ABCA12: variants seen among roughly 807,000 people sequenced by gnomAD.
ABCA12 encodes glucosylceramide transporter ABCA12.
In ABCA12, 156 loss-of-function variants were observed where a neutral mutation model predicts 293.5. That is an observed-to-expected ratio of 0.53 (90% CI 0.47 to 0.61). The LOEUF (loss-of-function observed/expected upper bound fraction) is 0.61. ABCA12 is among the 20% of genes least tolerant of loss of function. ABCA12 has a pLI of 0.00. For missense variants in ABCA12, 2,797 were observed against 3,090.2 expected, an observed-to-expected ratio of 0.91 and a Z score of 2.25; for synonymous variants, 1,063 against 1,108.0, an observed-to-expected ratio of 0.96 and a Z score of 0.81.
At position 214,986,653 on chromosome 2, in the gene ABCA12, A is replaced by G; in HGVS notation, c.4052T>C (p.Val1351Ala). 1 of 1,614,074 alleles carries G rather than the reference A, an allele frequency of 6.2e-7. No homozygotes were observed. Among genetic ancestry groups the G allele is most frequent in the Non-Finnish European group, 8.5e-7 (1 of 1,179,978 alleles). ...AACTTTTGAGCCATAGATCTTTGTG[A>G]CCCCATGCAGGGCAACCCCGACTGT... ...DLTVGVALHG[V>A]TKIYGSKVAV... Residue 1351 changes from valine to alanine, a missense_variant, in exon 28 of 53, where the codon GTC becomes GCC. Val to Ala is a moderately conservative substitution (Grantham distance 64). Transcript: ENST00000272895.
intron 3 of ABCA12, among the ~76,000 whole-genome samples, chr2:215,060,102 T>G (rs1056018342): frequency 1.3e-5 from 2 of 152,118 alleles, no homozygotes; most frequent in Admixed American, 6.6e-5. Context: ...CAATGTCTTA[T>G]GGTACCTGTG....
chr2:214,969,037 T>G (rs2105950272), intron 37 of ABCA12, among the ~76,000 whole-genome samples: 1 of 152,204 alleles, frequency 6.6e-6, no homozygotes, highest in African/African-American at 2.4e-5. Flanking sequence ...CAATTGCATA[T>G]GTTTAGTAGT....
chr2:215,044,643 C>T (rs1701165241), intron 7 of ABCA12: 2 of 152,080 alleles, frequency 1.3e-5, no homozygotes, highest in African/African-American at 4.8e-5. Context: ...GACTGGGATT[C>T]AAATTCTTTA....
chr2:215,052,523 G>C lies in ABCA12; in HGVS notation c.471C>G (p.Gly157=), dbSNP rs775146074. Reference sequence around the variant, plus strand: ...CAAGAATTCGTGCGAGCACTTGACTGCCATTGAAAGTATATGTTCCGGGGA... The same window carrying C: ...CAAGAATTCGTGCGAGCACTTGACTCCCATTGAAAGTATATGTTCCGGGGA... ...LEIPGTYTFN[G]SQVLARILGL... is the part of the protein sequence containing the mutation. The change falls in exon 5 of 53, where the codon GGC becomes GGG. Residue 157 remains glycine, a synonymous_variant. Transcript: ENST00000272895. The C allele has an allele frequency of 6.2e-7, 1 of 1,612,640 alleles. No individual in the cohort carries two copies. The highest frequency in any genetic ancestry group is 8.5e-7 in the Non-Finnish European group (1 of 1,179,018).
At chr2:215,050,105 T>A (rs1371896502) in intron 5 of ABCA12, among the ~76,000 whole-genome samples, 1 of 152,152 alleles carries the variant, frequency 6.6e-6, no homozygotes, top group African/African-American at 2.4e-5. Flanking sequence ...ACAGAGTCTT[T>A]GCTTACAAAA....
chr2:215,129,398 C>A (rs1028956637), intron 1 of ABCA12, among the ~76,000 whole-genome samples: 1 of 152,158 alleles, frequency 6.6e-6, no homozygotes, highest in East Asian at 1.9e-4. Flanking sequence ...GGGCTCCACT[C>A]TGACTTTTTA....
At chr2:215,025,591 A>C in intron 11 of ABCA12, 82 bp downstream of exon 11, 1 of 831,016 alleles carries the variant, frequency 1.2e-6, no homozygotes, top group East Asian at 2.6e-5. Flanking sequence ...TATTATGAGA[A>C]GTGTTAAGGT....
intron 2 of ABCA12, among the ~76,000 whole-genome samples, chr2:215,081,253 C>T (rs909890680): frequency 6.6e-6 from 1 of 151,746 alleles, no homozygotes; most frequent in Non-Finnish European, 1.5e-5. Flanking sequence ...TGAGGCAGTC[C>T]GATCACCTGA....
chr2:214,981,695 T>C (rs546753843), intron 30 of ABCA12, among the ~76,000 whole-genome samples: 5 of 151,252 alleles, frequency 3.3e-5, no homozygotes, highest in African/African-American at 4.8e-5. Context: ...ACAAGCATGA[T>C]GTATCTATAC....
intron 42 of ABCA12, among the ~76,000 whole-genome samples, chr2:214,955,978 G>C (rs1698935954): frequency 6.6e-6 from 1 of 152,184 alleles, no homozygotes; most frequent in East Asian, 1.9e-4. Flanking sequence ...ATTTAAAGTT[G>C]AGGAAAAGTA....
rs74770979 is a variant in ABCA12 at position 215,041,551 on chromosome 2, C to CAA, written c.872+4284_872+4285dup. Among the ~76,000 whole-genome samples, 612 of 86,480 alleles carry CAA rather than the reference C, an allele frequency of 7.1e-3. 8 individuals are homozygous for CAA. Among genetic ancestry groups the CAA allele is most frequent in the Middle Eastern group, 0.032 (4 of 126 alleles). 56.7% of individuals were successfully genotyped at this position (86,480 alleles called of 152,430 possible). On this transcript the variant is annotated intron_variant, in intron 7 of 52. Coordinates refer to ENST00000272895, the MANE Select transcript of ABCA12 (RefSeq NM_173076.3). ...TGGGCGACAGAGCGAGACTCCATCT[C>CAA]AAAAAAAAAAAAAAAAAGGAATACA...
chr2:214,941,174 C>T lies in ABCA12; in HGVS notation c.7436+1751G>A, dbSNP rs545149346. On this transcript the variant is annotated intron_variant, in intron 50 of 52. Coordinates refer to ENST00000272895, the MANE Select transcript of ABCA12 (RefSeq NM_173076.3). ...TTCTGGTATGTTGTGTCTGTGTTCT[C>T]ATTGGTTTCAAAGAACTTATTTATT... 8.7e-4 allele frequency among the ~76,000 whole-genome samples: 132 copies of T among 152,244 alleles called. 1 individual carries two copies. Among genetic ancestry groups the T allele is most frequent in the African/African-American group, 3.0e-3 (124 of 41,542 alleles).
chr2:214,937,874 A>G (rs997264360), intron 50 of ABCA12, among the ~76,000 whole-genome samples: 4 of 151,978 alleles, frequency 2.6e-5, no homozygotes, highest in Non-Finnish European at 5.9e-5. Context: ...AACATAACAT[A>G]AAATCTTGGC....
intron 7 of ABCA12, among the ~76,000 whole-genome samples, chr2:215,039,340 TAC>T (rs1701050487): frequency 6.6e-6 from 1 of 152,208 alleles, no homozygotes; most frequent in Non-Finnish European, 1.5e-5. Context: ...TGTGATAAAA[TAC>T]AGTCATTTGT....
At position 215,017,957 on chromosome 2, in the gene ABCA12, C is replaced by G. The variant is rs77779180; in HGVS notation, c.1782+51G>C. ...GTAAGCGCTCAACAAATGCTAAATG[C>G]TATTTAAATTTCTAAGAACTGCATG... On this transcript the variant is annotated intron_variant, in intron 14 of 52. Transcript: ENST00000272895. 3,139 of 1,612,458 alleles carry G rather than the reference C, an allele frequency of 1.9e-3. 47 individuals carry two copies. In the African/African-American group the frequency reaches 0.036, roughly 18 times the overall value.
intron 7 of ABCA12, among the ~76,000 whole-genome samples, chr2:215,043,464 A>G (rs1701141767): frequency 6.6e-6 from 1 of 152,176 alleles, no homozygotes; most frequent in Non-Finnish European, 1.5e-5. Context: ...GGTTGTTGTT[A>G]AAATAGCCAC....
intron 3 of ABCA12, among the ~76,000 whole-genome samples, chr2:215,060,924 G>A (rs999975040): frequency 1.3e-5 from 2 of 152,052 alleles, no homozygotes; most frequent in Non-Finnish European, 2.9e-5. Flanking sequence ...AGTGTCAACA[G>A]AAATAGGGAG....
chr2:215,120,172 C>A (rs1202127886), intron 1 of ABCA12, among the ~76,000 whole-genome samples: 1 of 152,048 alleles, frequency 6.6e-6, no homozygotes, highest in East Asian at 1.9e-4. Context: ...AATGTAAGAA[C>A]AGAAAACTAA....
At chr2:215,025,842 G>A in intron 10 of ABCA12, 63 bp from the exon 11 acceptor site, 1 of 1,109,624 alleles carries the variant, frequency 9.0e-7, no homozygotes. Flanking sequence ...AAACCAGTTT[G>A]AAAGACACCT....
Sources: gnomAD v4.1 joint callset for allele counts (sites outside exome capture counted in the v4.1 genomes callset) on GRCh38, gnomAD v4.1.1 for gene constraint, MANE v1.5 for transcripts, NCBI Gene and HGNC (gene_info 2026-07-23, HGNC 2026-07-21) for gene names.